Variants in FGGY observed in about 807,000 individuals in gnomAD.
The protein encoded by FGGY is FGGY carbohydrate kinase domain-containing protein.
In FGGY, 72 loss-of-function variants were observed where a neutral mutation model predicts 71.3. That is an observed-to-expected ratio of 1.01 (90% CI 0.84 to 1.23). FGGY has a LOEUF of 1.23. Among genes scored for constraint, FGGY ranks in the 50% most tolerant of loss-of-function variants. FGGY has a pLI of 0.00. For missense variants in FGGY, 668 were observed against 682.3 expected, an observed-to-expected ratio of 0.98 and a Z score of 0.23; for synonymous variants, 251 against 250.3, an observed-to-expected ratio of 1.00 and a Z score of -0.02.
chr1:59,561,487 A>G (rs17119620), intron 8 of FGGY, among the ~76,000 whole-genome samples: 10,248 of 152,240 alleles, frequency 0.067, 732 homozygotes, highest in African/African-American at 0.18. Context: ...TTTTCAAGAC[A>G]TTTGAGAAAC....
intron 8 of FGGY, among the ~76,000 whole-genome samples, chr1:59,578,945 C>T (rs367804469): frequency 2.0e-5 from 3 of 152,116 alleles, no homozygotes; most frequent in African/African-American, 7.2e-5. Flanking sequence ...ATTTCGCCCT[C>T]CTGTTCCCCC....
At chr1:59,608,760 C>G (rs11207491) in intron 9 of FGGY, among the ~76,000 whole-genome samples, 4,871 of 152,200 alleles carry the variant, frequency 0.032, 261 homozygotes, top group African/African-American at 0.11. Context: ...TCACTTGAAT[C>G]TGGGAGGCAC....
intron 4 of FGGY, among the ~76,000 whole-genome samples, chr1:59,369,309 G>A (rs1393804990): frequency 2.0e-5 from 3 of 152,192 alleles, no homozygotes; most frequent in South Asian, 2.1e-4. Context: ...CTCGCTGATT[G>A]CTAGCACAGC....
intron 14 of FGGY, among the ~76,000 whole-genome samples, chr1:59,697,942 G>A (rs542580856): frequency 3.7e-4 from 57 of 152,270 alleles, no homozygotes; most frequent in Middle Eastern, 3.4e-3. Context: ...CTTGGGTAAC[G>A]TGATTGAACT....
intron 9 of FGGY, among the ~76,000 whole-genome samples, chr1:59,623,564 A>G (rs1318939180): frequency 5.3e-5 from 8 of 152,132 alleles, no homozygotes; most frequent in Non-Finnish European, 2.9e-5. Flanking sequence ...ATGAGGCTAA[A>G]CCAGTCCGTT....
At position 59,583,624 on chromosome 1, in the gene FGGY, G is replaced by C. The variant is rs577282797; in HGVS notation, c.904-24179G>C. 3.3e-4 allele frequency among the ~76,000 whole-genome samples: 47 copies of C among 142,422 alleles called. 10 individuals are homozygous for C. The highest frequency in any genetic ancestry group is 1.2e-3 in the African/African-American group (43 of 36,216). The allele number at this position is 142,422 out of a possible 152,430, so 93.4% of individuals were successfully genotyped here. ...AGGAAGCTTCATGGGGGGCACACCTGAGGGGCATTTCCTCAATGGGAGAGC... is the reference window on the plus strand; with the variant it reads ...AGGAAGCTTCATGGGGGGCACACCTCAGGGGCATTTCCTCAATGGGAGAGC... On this transcript the variant is annotated intron_variant, in intron 8 of 15. Coordinates refer to ENST00000303721, the MANE Select transcript of FGGY (RefSeq NM_018291.5).
At chr1:59,447,884 A>G (rs568152852) in intron 5 of FGGY, among the ~76,000 whole-genome samples, 2 of 152,280 alleles carry the variant, frequency 1.3e-5, no homozygotes, top group South Asian at 4.1e-4. Context: ...GGACCTTAGT[A>G]CTTTTCTTCC....
chr1:59,522,588 G>T (rs138716157), intron 7 of FGGY, among the ~76,000 whole-genome samples: 2 of 152,266 alleles, frequency 1.3e-5, no homozygotes, highest in African/African-American at 4.8e-5. Context: ...TAATGTTGAC[G>T]TTAATTTTGT....
chr1:59,493,040 T>TA (rs530026457), intron 6 of FGGY, among the ~76,000 whole-genome samples: 1 of 151,452 alleles, frequency 6.6e-6, no homozygotes, highest in African/African-American at 2.4e-5. Context: ...TTGTATATTT[T>TA]AAAAAAATAC....
At chr1:59,547,363 C>A (rs1220345531) in intron 7 of FGGY, among the ~76,000 whole-genome samples, 1 of 152,064 alleles carries the variant, frequency 6.6e-6, no homozygotes, top group Non-Finnish European at 1.5e-5. Context: ...GTTCAGCTAT[C>A]CTATTGTCTA....
intron 6 of FGGY, among the ~76,000 whole-genome samples, chr1:59,506,675 C>T (rs893437684): frequency 5.3e-5 from 8 of 152,042 alleles, no homozygotes; most frequent in Non-Finnish European, 7.4e-5. Context: ...GGCGTGTGCC[C>T]GTAGTCCCAG....
chr1:59,501,343 T>C (rs1272731300), intron 6 of FGGY, among the ~76,000 whole-genome samples: 1 of 152,162 alleles, frequency 6.6e-6, no homozygotes, highest in Non-Finnish European at 1.5e-5. Context: ...TGGTTTTAAT[T>C]AGTAAATGAG....
At chr1:59,740,806 G>A (rs1573914451) in intron 14 of FGGY, among the ~76,000 whole-genome samples, 1 of 152,086 alleles carries the variant, frequency 6.6e-6, no homozygotes, top group East Asian at 1.9e-4. Flanking sequence ...ATTTAAACAT[G>A]CTCTAGACCT....
At chr1:59,378,138 C>G (rs769845416) in intron 4 of FGGY, among the ~76,000 whole-genome samples, 1 of 152,120 alleles carries the variant, frequency 6.6e-6, no homozygotes, top group African/African-American at 2.4e-5. Flanking sequence ...GGATTGCATA[C>G]CTTACAGACT....
intron 9 of FGGY, among the ~76,000 whole-genome samples, chr1:59,624,254 G>A (rs1326682816): frequency 6.6e-6 from 1 of 152,112 alleles, no homozygotes; most frequent in Non-Finnish European, 1.5e-5. Flanking sequence ...TGGTGGTTAA[G>A]AACAAGGTCT....
chr1:59,342,860 G>A (rs1421846706), intron 3 of FGGY, among the ~76,000 whole-genome samples: 3 of 152,120 alleles, frequency 2.0e-5, no homozygotes, highest in Admixed American at 6.6e-5. Flanking sequence ...AATAAATTAA[G>A]TACAATAGTT....
At chr1:59,705,603 G>C (rs571255626) in intron 14 of FGGY, among the ~76,000 whole-genome samples, 1 of 152,328 alleles carries the variant, frequency 6.6e-6, no homozygotes, top group African/African-American at 2.4e-5. Context: ...CAAGAAGCTG[G>C]ATACTGAGCA....
chr1:59,556,382 G>A (rs993727084), intron 8 of FGGY, among the ~76,000 whole-genome samples: 1 of 152,002 alleles, frequency 6.6e-6, no homozygotes, highest in East Asian at 1.9e-4. Flanking sequence ...TGGAGATGAG[G>A]CTGGCTTTCC....
intron 3 of FGGY, among the ~76,000 whole-genome samples, chr1:59,342,429 A>G (rs748357732): frequency 1.3e-5 from 2 of 152,160 alleles, no homozygotes; most frequent in Admixed American, 1.3e-4. Flanking sequence ...GCTTCCTGTT[A>G]ACAAATCCTC....
Sources: gnomAD v4.1 joint callset for allele counts (sites outside exome capture counted in the v4.1 genomes callset) on GRCh38, gnomAD v4.1.1 for gene constraint, MANE v1.5 for transcripts, NCBI Gene and HGNC (gene_info 2026-07-23, HGNC 2026-07-21) for gene names.